Variants in SYTL1 observed in about 807,000 individuals in gnomAD.
SYTL1 encodes the protein synaptotagmin-like protein 1.
A neutral mutation model predicts 74.6 loss-of-function variants in SYTL1; 53 were observed. The observed-to-expected ratio is 0.71, with a 90% CI of 0.57 to 0.89. The LOEUF (loss-of-function observed/expected upper bound fraction) is 0.89, where lower values mean the gene tolerates loss of function less well. Ranked by LOEUF, SYTL1 falls within the 40% of genes least tolerant of loss-of-function variation. The probability of loss-of-function intolerance (pLI) is 0.00; values close to 1 mark genes in which losing one functional copy is unlikely to be tolerated. For synonymous variants in SYTL1, 329 were observed against 324.9 expected (o/e 1.01, Z -0.14); for missense variants, 728 against 768.7 (o/e 0.95, Z 0.63).
In SYTL1 at chr1:27,350,017, C is replaced by T; in HGVS notation, c.793C>T (p.Gln265Ter). Residue 265 changes from glutamine (Q) to a stop codon, truncating the protein, a stop_gained, in exon 9 of 15, where the codon CAG (glutamine) becomes TAG (stop). Coordinates refer to ENST00000616558, the MANE Select transcript of SYTL1 (RefSeq NM_001193308.2). LOFTEE classifies it high-confidence loss of function. The surrounding 1 kb of genome is among the most constrained non-coding windows in gnomAD (Gnocchi z 6.3). ...MSLSGDAEAVQVRGSVHFALH... is the reference protein window; with the variant it reads ...MSLSGDAEAV ...CCTGTCAGGCGACGCGGAGGCGGTG[C>T]AGGTCCGCGGCTCCGTGCACTTCGC... 5 of 1,556,218 alleles carry T rather than the reference C, an allele frequency of 3.2e-6. No homozygotes were observed. Among genetic ancestry groups the T allele is most frequent in the Non-Finnish European group, 4.3e-6 (5 of 1,160,318 alleles).
At position 27,347,283 on chromosome 1, in the gene SYTL1, C is replaced by A; in HGVS notation, c.192-138C>A. The A allele has an allele frequency of 9.1e-7, 1 of 1,098,374 alleles. No homozygotes were observed. The allele number at this position is 1,098,374 out of a possible 1,614,324, so 68.0% of individuals were successfully genotyped here. The stretch of plus-strand genomic sequence containing the variant: ...TTCTGGACTTGGTCTCCCCAGCAGC[C>A]CGAGCTCCTCCACAGCACAGATCAA... On this transcript the variant is annotated intron_variant, in intron 2 of 14. Transcript: ENST00000616558. The surrounding 1 kb of genome is among the most constrained non-coding windows in gnomAD (Gnocchi z 4.9).
chr1:27,346,354 A>G (rs765986695), intron 2 of SYTL1, among the ~76,000 whole-genome samples: 1 of 152,192 alleles, frequency 6.6e-6, no homozygotes, highest in Non-Finnish European at 1.5e-5. Flanking sequence ...GGGCGTTACA[A>G]GCAATGTTTG....
In SYTL1 at chr1:27,347,830, CAG is replaced by C. The variant is rs1341015654; in HGVS notation, c.364_365del (p.Arg122GlyfsTer3). 3 of 1,613,672 alleles carry C rather than the reference CAG, an allele frequency of 1.9e-6. No individual in the cohort carries two copies. The African/African-American group carries it at 4.0e-5, about 22-fold the overall frequency. The stretch of plus-strand genomic sequence containing the variant: ...CAGGAGACCAGGCTCCAGGCCACGA[CAG>C]GGAGGCTGAGGCTGCTGTGAAAGAG... ...TRGDQAPGHD[R>X]EAEAAVKEKE... On this transcript the variant is annotated frameshift_variant, in exon 4 of 15. Transcript: ENST00000616558. LOFTEE classifies it high-confidence loss of function. This position sits in a 1 kb window ranked among gnomAD's most constrained non-coding sequence, Gnocchi z 4.9.
Position 27,351,047 on chromosome 1 carries a change from G to T in SYTL1, c.1164+95G>T. 1 of 1,464,298 alleles carries T rather than the reference G, an allele frequency of 6.8e-7. No individual in the cohort carries two copies. The highest frequency in any genetic ancestry group is 9.3e-7 in the Non-Finnish European group (1 of 1,076,712). 90.7% of individuals were successfully genotyped at this position (1,464,298 alleles called of 1,614,324 possible). A position where few individuals can be genotyped will look rare whatever the true frequency, so the allele number is the denominator to read the frequency against. The stretch of plus-strand genomic sequence containing the variant: ...CGCAGCCCCCTCACACCCCGCCTTC[G>T]ACAGAACCTCCCCTCAACCTCTTAA... On this transcript the variant is annotated intron_variant, in intron 11 of 14. Coordinates refer to ENST00000616558, the MANE Select transcript of SYTL1 (RefSeq NM_001193308.2). This position sits in a 1 kb window ranked among gnomAD's most constrained non-coding sequence, Gnocchi z 5.0.
Position 27,350,133 on chromosome 1 carries a change from G to T in SYTL1, c.908+1G>T, listed in dbSNP as rs2015196539. The stretch of plus-strand genomic sequence containing the variant: ...CCGCCCGGCGCCGCCGCTCGGACCC[G>T]TGAGTGCCCCGCCGGCCAAGCGGGG... On this transcript the variant is annotated splice_donor_variant, in intron 9 of 14. Coordinates refer to ENST00000616558, the MANE Select transcript of SYTL1 (RefSeq NM_001193308.2). LOFTEE classifies it high-confidence loss of function. This position sits in a 1 kb window ranked among gnomAD's most constrained non-coding sequence, Gnocchi z 6.3. The T allele has an allele frequency of 1.4e-6, 2 of 1,396,572 alleles. No homozygotes were observed. Among genetic ancestry groups the T allele is most frequent in the African/African-American group, 3.1e-5 (2 of 65,490 alleles). The allele number at this position is 1,396,572 out of a possible 1,614,324, so 86.5% of individuals were successfully genotyped here.
rs117996173 is a variant in SYTL1, at chr1:27,348,485, A to T, written c.459+473A>T. On this transcript the variant is annotated intron_variant, in intron 5 of 14. Transcript: ENST00000616558. This position sits in a 1 kb window ranked among gnomAD's most constrained non-coding sequence, Gnocchi z 4.1. ...AATCCCAGCACTTTGGGAAGCCGAG[A>T]TCACCTGAGGTCAGGAGCTCAAGAC... is the stretch of plus-strand genomic sequence containing the variant. 0.013 allele frequency among the ~76,000 whole-genome samples: 1,950 copies of T among 152,262 alleles called. 21 individuals are homozygous for T. Among genetic ancestry groups the T allele is most frequent in the East Asian group, 0.025 (128 of 5,188 alleles).
chr1:27,350,319 G>A lies in SYTL1; in HGVS notation c.909-70G>A, dbSNP rs1452349578. 2.0e-6 allele frequency: 3 copies of A among 1,520,094 alleles called. No individual in the cohort carries two copies. Among genetic ancestry groups the A allele is most frequent in the Non-Finnish European group, 2.7e-6 (3 of 1,094,428 alleles). The allele number at this position is 1,520,094 out of a possible 1,614,324, so 94.2% of individuals were successfully genotyped here. ...CTGGCACGTGTTCGGGATGGTGGCT[G>A]GGGGAGCCCACAGGCAGGGGAGAAG... On this transcript the variant is annotated intron_variant, in intron 9 of 14. Transcript: ENST00000616558. This position sits in a 1 kb window ranked among gnomAD's most constrained non-coding sequence, Gnocchi z 6.3.
In SYTL1 at chr1:27,353,459, TG is replaced by T. The variant is rs1260672977; in HGVS notation, c.1526del (p.Gly509AlafsTer?). ...WDHGALANRQ[L>X]GGTRLSLGTG... ...CATGGGGCCCTGGCCAACCGCCAGC[TG>T]GGGGGCACACGCCTCAGCCTGGGCA... On this transcript the variant is annotated frameshift_variant, in exon 14 of 15. Transcript: ENST00000616558. LOFTEE classifies it high-confidence loss of function. 1.9e-6 allele frequency: 3 copies of T among 1,607,562 alleles called. No individual in the cohort carries two copies. The highest frequency in any genetic ancestry group is 2.7e-5 in the African/African-American group (2 of 74,880).
chr1:27,350,478 C>G lies in SYTL1; in HGVS notation c.998C>G (p.Thr333Ser), dbSNP rs765219819. The G allele has an allele frequency of 3.1e-6, 5 of 1,612,702 alleles. No individual in the cohort carries two copies. The South Asian group carries it at 5.5e-5, about 18-fold the overall frequency. ...KRNLNPVFNE[T>S]LRYSVPQAEL... ...AATCTGAATCCGGTTTTCAACGAGA[C>G]TCTCCGGGTGAGGCTGTGACCACGA... Residue 333 changes from threonine to serine, a missense_variant, in exon 10 of 15, where the codon ACT becomes AGT. Thr to Ser is a moderately conservative substitution (Grantham distance 58). Coordinates refer to ENST00000616558, the MANE Select transcript of SYTL1 (RefSeq NM_001193308.2). The surrounding 1 kb of genome is among the most constrained non-coding windows in gnomAD (Gnocchi z 6.3).
chr1:27,351,547 C>T lies in SYTL1; in HGVS notation c.1335C>T (p.Tyr445=), dbSNP rs1390161243. The T allele has an allele frequency of 3.9e-6, 6 of 1,541,638 alleles. No individual in the cohort carries two copies. The highest frequency in any genetic ancestry group is 2.0e-5 in the Admixed American group (1 of 49,476). Reference sequence around the variant, plus strand: ...TGCGGGCAGGATCCCTGGACACTTACGTACAATGGTGAGGAGTGCTGGCCC... The same window carrying T: ...TGCGGGCAGGATCCCTGGACACTTATGTACAATGGTGAGGAGTGCTGGCCC... The part of the protein sequence containing the change: ...LPLRAGSLDT[Y]VQCFVLPDDS... The change falls in exon 13 of 15, where the codon TAC becomes TAT. Residue 445 remains tyrosine, a synonymous_variant. Coordinates refer to ENST00000616558, the MANE Select transcript of SYTL1 (RefSeq NM_001193308.2). This position sits in a 1 kb window ranked among gnomAD's most constrained non-coding sequence, Gnocchi z 5.0.
rs1217460467 is a variant in SYTL1, at chr1:27,342,866, C to A, written c.-39+716C>A. On this transcript the variant is annotated intron_variant, in intron 1 of 14. Transcript: ENST00000616558. This position sits in a 1 kb window ranked among gnomAD's most constrained non-coding sequence, Gnocchi z 4.7. ...AGGGGAGGCCGAACGTGGGCTCACA[C>A]CCCAATCCACAGGGGAGGCCGAACG... Among the ~76,000 whole-genome samples the A allele has an allele frequency of 6.6e-6, 1 of 152,200 alleles. No homozygotes were observed. The highest frequency in any genetic ancestry group is 1.9e-4 in the East Asian group (1 of 5,190).
In SYTL1 at chr1:27,351,249, C is replaced by T. The variant is rs553871071; in HGVS notation, c.1165-9C>T. 27 of 1,554,798 alleles carry T rather than the reference C, an allele frequency of 1.7e-5. 1 individual carries two copies. In the Admixed American group the frequency reaches 3.9e-4, roughly 22 times the overall value. On this transcript the variant is annotated splice_polypyrimidine_tract_variant and intron_variant, in intron 11 of 14. Transcript: ENST00000616558. The surrounding 1 kb of genome is among the most constrained non-coding windows in gnomAD (Gnocchi z 5.0). ...AGCCCCTGCTCCACGATAAGCCCGC[C>T]TCTCGCAGGTCCCACCCTCTCCCGA...
In SYTL1 at chr1:27,348,106, G is replaced by A; in HGVS notation, c.459+94G>A. The A allele has an allele frequency of 8.1e-7, 1 of 1,236,150 alleles. No homozygotes were observed. Among genetic ancestry groups the A allele is most frequent in the Non-Finnish European group, 1.2e-6 (1 of 842,118 alleles). 76.6% of individuals were successfully genotyped at this position (1,236,150 alleles called of 1,614,324 possible). ...GGGAAAGAGCCCCAGCCTGGGAATGGGGAGACCCTGGAAATGTTCCTTCCT... is the reference window on the plus strand; with the variant it reads ...GGGAAAGAGCCCCAGCCTGGGAATGAGGAGACCCTGGAAATGTTCCTTCCT... On this transcript the variant is annotated intron_variant, in intron 5 of 14. Coordinates refer to ENST00000616558, the MANE Select transcript of SYTL1 (RefSeq NM_001193308.2). This position sits in a 1 kb window ranked among gnomAD's most constrained non-coding sequence, Gnocchi z 4.1.
rs1311908561 is a variant in SYTL1, at chr1:27,343,221, G to A, written c.-39+1071G>A. ...GACCAAGTCATGGGCCCCTTGCCACGTCTACATGCCCCTCAGCGCTGGGCA... is the reference window on the plus strand; with the variant it reads ...GACCAAGTCATGGGCCCCTTGCCACATCTACATGCCCCTCAGCGCTGGGCA... On this transcript the variant is annotated intron_variant, in intron 1 of 14. Coordinates refer to ENST00000616558, the MANE Select transcript of SYTL1 (RefSeq NM_001193308.2). This position sits in a 1 kb window ranked among gnomAD's most constrained non-coding sequence, Gnocchi z 5.2. 1.3e-5 allele frequency: 2 copies of A among 152,442 alleles called. No individual in the cohort carries two copies. Among genetic ancestry groups the A allele is most frequent in the African/African-American group, 2.4e-5 (1 of 41,454 alleles). The allele number at this position is 152,442 out of a possible 1,614,324, so 9.4% of individuals were successfully genotyped here. A position where few individuals can be genotyped will look rare whatever the true frequency, so the allele number is the denominator to read the frequency against.
chr1:27,349,197 T>C (rs374050997), intron 6 of SYTL1, 45 bp downstream of exon 6: 2 of 1,594,998 alleles, frequency 1.3e-6, no homozygotes, highest in Non-Finnish European at 8.6e-7. Context: ...GTTTCGCGGG[T>C]CAGAGGCAGC....
At position 27,351,077 on chromosome 1, in the gene SYTL1, A is replaced by G. The variant is rs925514245; in HGVS notation, c.1164+125A>G. 7.6e-7 allele frequency: 1 copy of G among 1,310,736 alleles called. No individual in the cohort carries two copies. The highest frequency in any genetic ancestry group is 1.5e-5 in the African/African-American group (1 of 67,820). 81.2% of individuals were successfully genotyped at this position (1,310,736 alleles called of 1,614,324 possible). A position where few individuals can be genotyped will look rare whatever the true frequency, so the allele number is the denominator to read the frequency against. The stretch of plus-strand genomic sequence containing the variant: ...AACCTCCCCTCAACCTCTTAACCTC[A>G]TGGCCCCAGGCGAAGCCCGGCCGGC... On this transcript the variant is annotated intron_variant, in intron 11 of 14. Coordinates refer to ENST00000616558, the MANE Select transcript of SYTL1 (RefSeq NM_001193308.2). This position sits in a 1 kb window ranked among gnomAD's most constrained non-coding sequence, Gnocchi z 5.0.
chr1:27,351,455 G>A lies in SYTL1; in HGVS notation c.1244-1G>A. The A allele has an allele frequency of 6.5e-7, 1 of 1,527,382 alleles. No homozygotes were observed. The highest frequency in any genetic ancestry group is 8.8e-7 in the Non-Finnish European group (1 of 1,135,194). 94.6% of individuals were successfully genotyped at this position (1,527,382 alleles called of 1,614,324 possible). A position where few individuals can be genotyped will look rare whatever the true frequency, so the allele number is the denominator to read the frequency against. ...CGGGCCTGAGCCGAGCCTCTCCGCA[G>A]GCGCAGGACTGCCCCCGAGCGGGGA... On this transcript the variant is annotated splice_acceptor_variant, in intron 12 of 14. Coordinates refer to ENST00000616558, the MANE Select transcript of SYTL1 (RefSeq NM_001193308.2). LOFTEE classifies it high-confidence loss of function. This position sits in a 1 kb window ranked among gnomAD's most constrained non-coding sequence, Gnocchi z 5.0.
In SYTL1 at chr1:27,351,048, A is replaced by T; in HGVS notation, c.1164+96A>T. The T allele has an allele frequency of 1.4e-6, 2 of 1,462,456 alleles. No individual in the cohort carries two copies. Among genetic ancestry groups the T allele is most frequent in the Non-Finnish European group, 1.9e-6 (2 of 1,075,452 alleles). The allele number at this position is 1,462,456 out of a possible 1,614,324, so 90.6% of individuals were successfully genotyped here. A position where few individuals can be genotyped will look rare whatever the true frequency, so the allele number is the denominator to read the frequency against. On this transcript the variant is annotated intron_variant, in intron 11 of 14. Transcript: ENST00000616558. This position sits in a 1 kb window ranked among gnomAD's most constrained non-coding sequence, Gnocchi z 5.0. ...GCAGCCCCCTCACACCCCGCCTTCG[A>T]CAGAACCTCCCCTCAACCTCTTAAC... is the stretch of plus-strand genomic sequence containing the variant.
At position 27,347,802 on chromosome 1, in the gene SYTL1, G is replaced by A. The variant is rs781449652; in HGVS notation, c.341-6G>A. ...GGGGCTCACAGAACTTCTCACCTGC[G>A]CCCAGGAGACCAGGCTCCAGGCCAC... On this transcript the variant is annotated splice_polypyrimidine_tract_variant and splice_region_variant and intron_variant, in intron 3 of 14. Transcript: ENST00000616558. The surrounding 1 kb of genome is among the most constrained non-coding windows in gnomAD (Gnocchi z 4.9). 1.4e-5 allele frequency: 23 copies of A among 1,612,224 alleles called. No homozygotes were observed. Among genetic ancestry groups the A allele is most frequent in the Middle Eastern group, 1.7e-4 (1 of 5,840 alleles).
Sources: gnomAD v4.1 joint callset for allele counts (sites outside exome capture counted in the v4.1 genomes callset) on GRCh38, gnomAD v4.1.1 for gene constraint, Gnocchi (gnomAD v3.1) non-coding constraint, MANE v1.5 for transcripts, NCBI Gene and HGNC (gene_info 2026-07-23, HGNC 2026-07-21) for gene names.